The following PCDH15 variants were observed in gnomAD, a reference collection of about 807,000 sequenced individuals.
PCDH15 encodes the protein protocadherin related 15, also known as protocadherin-15.
Under a neutral mutation model 178.5 loss-of-function variants are expected in PCDH15, and 129 were observed. The ratio of observed to expected loss-of-function variants is 0.72; its 90% CI spans 0.63 to 0.84. PCDH15 has a LOEUF of 0.84. Ranked by LOEUF, PCDH15 falls within the 40% of genes least tolerant of loss-of-function variation. The pLI is 0.00. For synonymous variants in PCDH15, 800 were observed against 732.0 expected, an observed-to-expected ratio of 1.09 and a Z score of -1.50; for missense variants, 2,230 against 2,099.9, an observed-to-expected ratio of 1.06 and a Z score of -1.21.
chr10:54,171,224 C>A (rs1342603777), intron 13 of PCDH15, among the ~76,000 whole-genome samples: 4 of 152,014 alleles, frequency 2.6e-5, no homozygotes, highest in African/African-American at 7.3e-5. Flanking sequence ...TTCAGTGAAA[C>A]CTTTATATCC....
intron 3 of PCDH15, among the ~76,000 whole-genome samples, chr10:54,848,928 G>A (rs781575818): frequency 1.3e-5 from 2 of 152,182 alleles, no homozygotes; most frequent in Middle Eastern, 3.4e-3. Flanking sequence ...AAATTGAAAG[G>A]CATTCCAGGG....
intron 18 of PCDH15, among the ~76,000 whole-genome samples, chr10:54,048,881 GT>G (rs879717157): frequency 6.0e-4 from 88 of 146,116 alleles, no homozygotes; most frequent in South Asian, 4.1e-3. Context: ...TTTCAGAACA[GT>G]TTTTTTTTTT....
At chr10:54,709,535 T>C (rs1267677531) in intron 1 of PCDH15, among the ~76,000 whole-genome samples, 1 of 148,592 alleles carries the variant, frequency 6.7e-6, no homozygotes, top group Admixed American at 6.8e-5. Context: ...GGGTCTTTAG[T>C]ATATGCCTGG....
At chr10:55,172,808 A>AAT (rs536087685) in intron 1 of PCDH15, among the ~76,000 whole-genome samples, 51 of 151,984 alleles carry the variant, frequency 3.4e-4, no homozygotes, top group Admixed American at 2.4e-3. Context: ...ACAAAATTTA[A>AAT]ATATATATAT....
At chr10:53,843,555 TTTTGAG>T (rs1475099747) in intron 28 of PCDH15, among the ~76,000 whole-genome samples, 1 of 152,014 alleles carries the variant, frequency 6.6e-6, no homozygotes, top group Non-Finnish European at 1.5e-5. Flanking sequence ...GATGGTATGA[TTTTGAG>T]TTTACCTTTT....
At chr10:53,895,444 T>G (rs2081888941) in intron 26 of PCDH15, among the ~76,000 whole-genome samples, 1 of 152,208 alleles carries the variant, frequency 6.6e-6, no homozygotes, top group African/African-American at 2.4e-5. Context: ...GCATCTTTAA[T>G]AATTCAAAAA....
chr10:54,137,198 C>T (rs900545458), intron 14 of PCDH15, among the ~76,000 whole-genome samples: 1 of 152,084 alleles, frequency 6.6e-6, no homozygotes, highest in Non-Finnish European at 1.5e-5. Flanking sequence ...TTTACGCAAG[C>T]ATTTTGTATT....
intron 2 of PCDH15, among the ~76,000 whole-genome samples, chr10:54,951,830 G>A (rs1200371258): frequency 4.0e-5 from 6 of 151,662 alleles, no homozygotes; most frequent in Non-Finnish European, 5.9e-5. Flanking sequence ...TTGCTTGATT[G>A]TCATCTGCAT....
intron 2 of PCDH15, among the ~76,000 whole-genome samples, chr10:55,452,773 C>G (rs973361089): frequency 5.9e-5 from 9 of 151,978 alleles, no homozygotes; most frequent in Non-Finnish European, 1.3e-4. Flanking sequence ...CACAAAAAAA[C>G]TAGTGTTGTT....
intron 1 of PCDH15, among the ~76,000 whole-genome samples, chr10:54,695,141 A>G (rs781024090): frequency 2.0e-5 from 3 of 152,188 alleles, no homozygotes; most frequent in Non-Finnish European, 4.4e-5. Flanking sequence ...GGTGCAGCAC[A>G]CCAACATGGC....
At chr10:55,117,765 C>T (rs1352164634) in intron 2 of PCDH15, among the ~76,000 whole-genome samples, 4 of 152,124 alleles carry the variant, frequency 2.6e-5, no homozygotes, top group Non-Finnish European at 4.4e-5. Context: ...GAGAAATCAA[C>T]AGAAGAAGTC....
chr10:54,592,454 A>C (rs2091947025), intron 2 of PCDH15, among the ~76,000 whole-genome samples: 1 of 152,072 alleles, frequency 6.6e-6, no homozygotes. Context: ...ATATGCATAC[A>C]TTGTGAAATG....
At chr10:54,356,055 T>C (rs945762106) in intron 5 of PCDH15, among the ~76,000 whole-genome samples, 2 of 152,040 alleles carry the variant, frequency 1.3e-5, no homozygotes, top group Non-Finnish European at 2.9e-5. Flanking sequence ...TTCCCCACAA[T>C]ATAGCTTTAA....
At chr10:54,641,456 C>A (rs924709077) in intron 2 of PCDH15, among the ~76,000 whole-genome samples, 3 of 152,040 alleles carry the variant, frequency 2.0e-5, no homozygotes, top group African/African-American at 7.2e-5. Flanking sequence ...CTAAATGTAG[C>A]CCCTTTAGGA....
chr10:54,779,486 A>ATGTG (rs1163685725), intron 1 of PCDH15, among the ~76,000 whole-genome samples: 3 of 13,468 alleles, frequency 2.2e-4, no homozygotes, highest in Non-Finnish European at 5.6e-4. Flanking sequence ...ACACATATAT[A>ATGTG]TGTATATATA....
At chr10:54,448,845 T>G (rs2076296528) in intron 3 of PCDH15, among the ~76,000 whole-genome samples, 1 of 151,776 alleles carries the variant, frequency 6.6e-6, no homozygotes. Context: ...TTTCTTCAAC[T>G]TCTAGATGAA....
intron 3 of PCDH15, among the ~76,000 whole-genome samples, chr10:54,512,395 G>GTT (rs2081779286): frequency 7.1e-6 from 1 of 140,584 alleles, no homozygotes; most frequent in Non-Finnish European, 1.6e-5. Flanking sequence ...GTGTGTGTGT[G>GTT]TGTGTGTATT....
At chr10:53,927,783 A>C (rs924755910) in intron 25 of PCDH15, among the ~76,000 whole-genome samples, 4 of 152,082 alleles carry the variant, frequency 2.6e-5, no homozygotes, top group Non-Finnish European at 4.4e-5. Flanking sequence ...GCTATCATCC[A>C]CACAGCACCT....
At chr10:55,429,505 T>C (rs1183627361) in intron 2 of PCDH15, among the ~76,000 whole-genome samples, 11 of 152,138 alleles carry the variant, frequency 7.2e-5, no homozygotes, top group Non-Finnish European at 1.5e-4. Context: ...TGCTGATGCT[T>C]ATAAGATTTT....
Sources: allele counts gnomAD v4.1 joint callset (sites outside exome capture counted in the v4.1 genomes callset), GRCh38; gene constraint gnomAD v4.1.1; transcripts MANE v1.5; gene names NCBI Gene and HGNC (gene_info 2026-07-23, HGNC 2026-07-21).